Variants in MGRN1 observed in about 807,000 individuals in gnomAD.
MGRN1 encodes the protein mahogunin ring finger 1.
In MGRN1, 29 loss-of-function variants were observed where a neutral mutation model predicts 69.2. The observed-to-expected ratio is 0.42, with a 90% confidence interval of 0.31 to 0.57. The LOEUF (loss-of-function observed/expected upper bound fraction) is 0.57, where lower values mean the gene tolerates loss of function less well. Among genes scored for constraint, MGRN1 ranks in the 20% least tolerant of loss-of-function variants. MGRN1 has a pLI of 0.15. For missense variants in MGRN1, 998 were observed against 796.2 expected, an observed-to-expected ratio of 1.25 and a Z score of -3.05; for synonymous variants, 470 against 344.2, an observed-to-expected ratio of 1.37 and a Z score of -4.04.
chr16:4,685,573 C>G (rs2079293410), intron 16 of MGRN1, among the ~76,000 whole-genome samples: 1 of 152,254 alleles, frequency 6.6e-6, no homozygotes, highest in Non-Finnish European at 1.5e-5. Flanking sequence ...GCCAGCAGGT[C>G]AGCCTGCACG....
chr16:4,644,825 GT>G (rs773544414), intron 1 of MGRN1, among the ~76,000 whole-genome samples: 1 of 152,074 alleles, frequency 6.6e-6, no homozygotes, highest in East Asian at 1.9e-4. Context: ...TTTTTAAAGT[GT>G]ACAAGTCAGT....
At chr16:4,673,787 C>T in intron 10 of MGRN1, 130 bp downstream of exon 10, 2 of 1,211,546 alleles carry the variant, frequency 1.7e-6, no homozygotes, top group Non-Finnish European at 2.3e-6. Context: ...TTCATCTAGT[C>T]TGTGCTGAAC....
rs573783122 is a variant in MGRN1, at chr16:4,682,979, G to A, written c.1482+33G>A. 32 of 1,504,816 alleles carry A rather than the reference G, an allele frequency of 2.1e-5. No homozygotes were observed. In the East Asian group the frequency reaches 4.3e-4, roughly 20 times the overall value. 93.2% of individuals were successfully genotyped at this position (1,504,816 alleles called of 1,614,324 possible). A position where few individuals can be genotyped will look rare whatever the true frequency, so the allele number is the denominator to read the frequency against. ...CCCCCCGGGGAAGCTTTGCGCACCC[G>A]CCCGGGCCAGCCCTCCTCCAGCTTC... On this transcript the variant is annotated intron_variant, in intron 14 of 16. Transcript: ENST00000262370.
intron 16 of MGRN1, chr16:4,687,419 C>A (rs1262661964): frequency 1.1e-6 from 1 of 900,164 alleles, no homozygotes; most frequent in Non-Finnish European, 1.3e-6. Context: ...GTAGCTTGTG[C>A]CTGTGGTCCC....
intron 16 of MGRN1, chr16:4,686,502 G>A: frequency 1.4e-6 from 2 of 1,382,282 alleles, no homozygotes; most frequent in Non-Finnish European, 1.9e-6. Context: ...CCTCCTGGGG[G>A]GTCCTGACTT....
At chr16:4,644,227 A>C (rs570621719) in intron 1 of MGRN1, among the ~76,000 whole-genome samples, 75 of 151,592 alleles carry the variant, frequency 4.9e-4, no homozygotes, top group Admixed American at 9.9e-4. Context: ...CCTTACCTCA[A>C]GTGATCCACC....
intron 7 of MGRN1, 152 bp downstream of exon 7, chr16:4,665,303 C>T (rs1225929327): frequency 4.1e-6 from 3 of 739,496 alleles, no homozygotes; most frequent in African/African-American, 1.8e-5. Flanking sequence ...CTGTGGCTTC[C>T]TGCTTTCTAG....
intron 11 of MGRN1, 86 bp downstream of exon 11, chr16:4,677,658 C>G: frequency 7.8e-7 from 1 of 1,285,890 alleles, no homozygotes; most frequent in South Asian, 1.3e-5. Flanking sequence ...GTCCAGCCAG[C>G]AGCCCCGTGT....
intron 11 of MGRN1, among the ~76,000 whole-genome samples, chr16:4,677,976 A>G (rs2079090572): frequency 6.6e-6 from 1 of 150,882 alleles, no homozygotes; most frequent in African/African-American, 2.4e-5. Flanking sequence ...GCCTCCCAAG[A>G]CGCTGTGACC....
rs369608438 is a variant in MGRN1, at chr16:4,681,720, C to T, written c.1302C>T (p.Asp434=). ...CCAGCTGTCCCCTCGCGGCTATCGA[C>T]CACATCCTGGACAGCAGCCGCCAGA... ...SQASCPLAAI[D]HILDSSRQKG... The change falls in exon 13 of 17, where the codon GAC becomes GAT. Residue 434 remains aspartate, a synonymous_variant. Coordinates refer to ENST00000262370, the MANE Select transcript of MGRN1 (RefSeq NM_015246.4). 1.4e-4 allele frequency: 218 copies of T among 1,613,048 alleles called. No individual in the cohort carries two copies. Among genetic ancestry groups the T allele is most frequent in the Admixed American group, 8.8e-4 (53 of 60,006 alleles).
rs963143679 is a variant in MGRN1, at chr16:4,690,366, C to G, written c.*1458C>G. Reference sequence around the variant, plus strand: ...CTGGCTCTGGAGGGCTGCCCTGCAGCTGGGCCTGGGGACAGGTCGGCTGTG... The same window carrying G: ...CTGGCTCTGGAGGGCTGCCCTGCAGGTGGGCCTGGGGACAGGTCGGCTGTG... On this transcript the variant is annotated 3_prime_UTR_variant, in exon 17 of 17. Transcript: ENST00000262370. 9 of 152,184 alleles carry G rather than the reference C, an allele frequency of 5.9e-5. No individual in the cohort carries two copies. The highest frequency in any genetic ancestry group is 2.2e-4 in the African/African-American group (9 of 41,420). 9.4% of individuals were successfully genotyped at this position (152,184 alleles called of 1,614,324 possible). A position where few individuals can be genotyped will look rare whatever the true frequency, so the allele number is the denominator to read the frequency against.
At chr16:4,664,229 G>A (rs2078748989) in intron 5 of MGRN1, 3 of 216,780 alleles carry the variant, frequency 1.4e-5, no homozygotes, top group Non-Finnish European at 9.4e-6. Flanking sequence ...GTGCTGCACC[G>A]TGGGTGAACT....
In MGRN1 at chr16:4,688,360, G is replaced by T. The variant is rs549215553; in HGVS notation, c.1619-436G>T. 1.1e-5 allele frequency: 11 copies of T among 995,840 alleles called. No homozygotes were observed. In the South Asian group the frequency reaches 4.2e-4, roughly 38 times the overall value. 61.7% of individuals were successfully genotyped at this position (995,840 alleles called of 1,614,324 possible). On this transcript the variant is annotated intron_variant, in intron 16 of 16. Coordinates refer to ENST00000262370, the MANE Select transcript of MGRN1 (RefSeq NM_015246.4). ...CCATCCGGGGGCTACTCTGAGCACG[G>T]GCTTGTTCTCACCCAGGGCCGCTCC...
In MGRN1 at chr16:4,686,778, G is replaced by A. The variant is rs141474069; in HGVS notation, c.1619-2018G>A. ...GATGGTCCCACCATGAGTTCGCATC[G>A]GTCCTGCAGCAGACACGTTAGGACG... On this transcript the variant is annotated intron_variant, in intron 16 of 16. Coordinates refer to ENST00000262370, the MANE Select transcript of MGRN1 (RefSeq NM_015246.4). The A allele has an allele frequency of 7.9e-3, 7,812 of 991,936 alleles. 34 individuals are homozygous for A. The highest frequency in any genetic ancestry group is 0.011 in the Admixed American group (187 of 16,462). The allele number at this position is 991,936 out of a possible 1,614,324, so 61.4% of individuals were successfully genotyped here.
At chr16:4,662,880 G>T (rs1024125371) in intron 5 of MGRN1, among the ~76,000 whole-genome samples, 11 of 152,216 alleles carry the variant, frequency 7.2e-5, no homozygotes, top group Non-Finnish European at 1.3e-4. Flanking sequence ...GCTGGGCCAG[G>T]AGTAGTCCCA....
chr16:4,680,206 A>T, intron 12 of MGRN1, 109 bp downstream of exon 12: 1 of 1,076,066 alleles, frequency 9.3e-7, no homozygotes, highest in Non-Finnish European at 1.4e-6. Flanking sequence ...GATTCATATA[A>T]CCCGTCAGCT....
chr16:4,683,687 C>G (rs1035838364), intron 15 of MGRN1, among the ~76,000 whole-genome samples, 156 bp from the exon 16 acceptor site: 4 of 152,136 alleles, frequency 2.6e-5, no homozygotes, highest in African/African-American at 9.7e-5. Flanking sequence ...CCCTGGAGAG[C>G]AGGTGGGGTC....
intron 1 of MGRN1, among the ~76,000 whole-genome samples, chr16:4,645,577 G>T (rs1013508542): frequency 1.2e-4 from 18 of 152,194 alleles, no homozygotes; most frequent in African/African-American, 4.3e-4. Flanking sequence ...CTGGAAAGGG[G>T]AGTGGAAAGA....
At chr16:4,674,125 C>A (rs1212640862) in intron 10 of MGRN1, among the ~76,000 whole-genome samples, 1 of 152,160 alleles carries the variant, frequency 6.6e-6, no homozygotes, top group Non-Finnish European at 1.5e-5. Context: ...GCTGGGATTG[C>A]AGGCAACTGC....
Sources: gnomAD v4.1 joint callset for allele counts (sites outside exome capture counted in the v4.1 genomes callset) on GRCh38, gnomAD v4.1.1 for gene constraint, MANE v1.5 for transcripts, NCBI Gene and HGNC (gene_info 2026-07-23, HGNC 2026-07-21) for gene names.